CELSR2: variants seen among roughly 807,000 people sequenced by gnomAD.
CELSR2 encodes the protein EGF-like protein 2.
CELSR2 carries 81 observed loss-of-function variants against 251.6 expected under a neutral mutation model. That is an observed-to-expected ratio of 0.32 (90% CI 0.27 to 0.39). The LOEUF is 0.39. CELSR2 is among the 10% of genes least tolerant of loss of function. The pLI, the probability that CELSR2 is intolerant of heterozygous loss-of-function variation, is 1.00. For missense variants in CELSR2, 3,365 were observed against 3,947.7 expected (o/e 0.85, Z 3.96); for synonymous variants, 1,721 against 1,670.5 (o/e 1.03, Z -0.74).
At chr1:109,268,116 C>A in intron 17 of CELSR2, 56 bp downstream of exon 17, 1 of 1,546,690 alleles carries the variant, frequency 6.5e-7, no homozygotes, top group Non-Finnish European at 8.7e-7. Context: ...GGTGAGTGAG[C>A]CTGCTCATGG....
Position 109,251,422 on chromosome 1 carries a change from A to G in CELSR2, c.1343A>G (p.Tyr448Cys). 6.2e-7 allele frequency: 1 copy of G among 1,613,880 alleles called. No individual in the cohort carries two copies. The highest frequency in any genetic ancestry group is 8.5e-7 in the Non-Finnish European group (1 of 1,180,026). Reference sequence around the variant, plus strand: ...AGTGGCAATGCTCGGGGACAGTTTTATCTGGATGCCCAGACTGGAGCTCTG... The same window carrying G: ...AGTGGCAATGCTCGGGGACAGTTTTGTCTGGATGCCCAGACTGGAGCTCTG... ...IMSGNARGQF[Y>C]LDAQTGALDV... Residue 448 changes from tyrosine (Y) to cysteine (C), a missense_variant, in exon 1 of 34, where the codon TAT becomes TGT. Tyr to Cys is a radical substitution (Grantham distance 194). Around this residue, in one of 5 missense-constraint regions of CELSR2, gnomAD observed 704 missense variants for 784.1 expected, o/e 0.90. Coordinates refer to ENST00000271332, the MANE Select transcript of CELSR2 (RefSeq NM_001408.3). This position sits in a 1 kb window ranked among gnomAD's most constrained non-coding sequence, Gnocchi z 4.9.
rs751011810 is a variant in CELSR2 at position 109,253,118 on chromosome 1, C to G, written c.3039C>G (p.Leu1013=). 6.2e-7 allele frequency: 1 copy of G among 1,613,848 alleles called. No homozygotes were observed. Among genetic ancestry groups the G allele is most frequent in the East Asian group, 2.2e-5 (1 of 44,880 alleles). ...GCCGGGCTACAGTCCACGTCCGCCT[C>G]CTTGACCGCAATGACAACCCACCAG... ...LVSRATVHVR[L]LDRNDNPPVL... is the part of the protein sequence containing the mutation. The change falls in exon 1 of 34, where the codon CTC becomes CTG. Residue 1013 remains leucine (L), a synonymous_variant. Coordinates refer to ENST00000271332, the MANE Select transcript of CELSR2 (RefSeq NM_001408.3).
In CELSR2 at chr1:109,251,608, T is replaced by G; in HGVS notation, c.1529T>G (p.Phe510Cys). ...GCCCCCATCTTCGTCAGCACCCCTT[T>G]CCAGGCTACTGTCCTGGAGAGTGTC... ...DNAPIFVSTP[F>C]QATVLESVPL... The change falls in exon 1 of 34, where the codon TTC (phenylalanine) becomes TGC (cysteine). Residue 510 changes from phenylalanine to cysteine, a missense_variant. This residue lies in a region of CELSR2 where 704 missense variants were observed against 784.1 expected (regional missense o/e 0.90). Coordinates refer to ENST00000271332, the MANE Select transcript of CELSR2 (RefSeq NM_001408.3). This position sits in a 1 kb window ranked among gnomAD's most constrained non-coding sequence, Gnocchi z 4.9. 6.2e-7 allele frequency: 1 copy of G among 1,613,796 alleles called. No homozygotes were observed. The highest frequency in any genetic ancestry group is 1.3e-5 in the African/African-American group (1 of 75,032).
chr1:109,263,566 T>A, intron 8 of CELSR2, 45 bp from the exon 9 acceptor site: 1 of 1,603,360 alleles, frequency 6.2e-7, no homozygotes, highest in Admixed American at 1.7e-5. Context: ...CCCAGGGCCC[T>A]CTGAGGCTCC....
intron 9 of CELSR2, 51 bp downstream of exon 9, chr1:109,263,828 G>C: frequency 6.3e-7 from 1 of 1,582,076 alleles, no homozygotes. Context: ...GGCCCTGGTA[G>C]CCTCTAGGCG....
intron 14 of CELSR2, 77 bp from the exon 15 acceptor site, chr1:109,266,028 C>G: frequency 6.3e-7 from 1 of 1,591,694 alleles, no homozygotes; most frequent in Non-Finnish European, 8.6e-7. Flanking sequence ...CTGGGGAGGC[C>G]TAGGGAGGGC....
chr1:109,259,101 A>G lies in CELSR2; in HGVS notation c.3958+22A>G, dbSNP rs567216809. The stretch of plus-strand genomic sequence containing the variant: ...ACGGGTGAGCCAAGGGAGGGGACTC[A>G]TGGGCCAGCCCTGGAAGGCTGACTG... On this transcript the variant is annotated intron_variant, in intron 2 of 33. Coordinates refer to ENST00000271332, the MANE Select transcript of CELSR2 (RefSeq NM_001408.3). 19 of 1,543,030 alleles carry G rather than the reference A, an allele frequency of 1.2e-5. No homozygotes were observed. In the South Asian group the frequency reaches 1.6e-4, roughly 13 times the overall value.
In CELSR2 at chr1:109,250,040, CGCCGCCGTTGACCCGGCCGCCG is replaced by C; in HGVS notation, c.-35_-14del. The C allele has an allele frequency of 7.7e-7, 1 of 1,293,658 alleles. No individual in the cohort carries two copies. The highest frequency in any genetic ancestry group is 9.7e-7 in the Non-Finnish European group (1 of 1,028,298). 80.1% of individuals were successfully genotyped at this position (1,293,658 alleles called of 1,614,324 possible). A position where few individuals can be genotyped will look rare whatever the true frequency, so the allele number is the denominator to read the frequency against. On this transcript the variant is annotated 5_prime_UTR_variant, in exon 1 of 34. An upstream open reading frame in the 5' UTR loses its in-frame stop. Coordinates refer to ENST00000271332, the MANE Select transcript of CELSR2 (RefSeq NM_001408.3). This position sits in a 1 kb window ranked among gnomAD's most constrained non-coding sequence, Gnocchi z 4.4. ...CGGCAGGAGCCGGAGGAGGAGCCGC[CGCCGCCGTTGACCCGGCCGCCG>C]GCCGGGAGCTGGGAGAGATGCGGAG... is the stretch of plus-strand genomic sequence containing the variant.
intron 12 of CELSR2, 48 bp from the exon 13 acceptor site, chr1:109,265,143 G>A: frequency 6.3e-7 from 1 of 1,582,258 alleles, no homozygotes; most frequent in South Asian, 1.2e-5. Flanking sequence ...CCTAGGTTAG[G>A]TGGGAGTGGC....
At position 109,251,140 on chromosome 1, in the gene CELSR2, C is replaced by G; in HGVS notation, c.1061C>G (p.Pro354Arg). The change falls in exon 1 of 34, where the codon CCT becomes CGT. Residue 354 changes from proline to arginine, a missense_variant. By Grantham distance (103) the Pro-to-Arg change is moderately radical (BLOSUM62 -2). This residue lies in a region of CELSR2 where 704 missense variants were observed against 784.1 expected (regional missense o/e 0.90). Coordinates refer to ENST00000271332, the MANE Select transcript of CELSR2 (RefSeq NM_001408.3). This position sits in a 1 kb window ranked among gnomAD's most constrained non-coding sequence, Gnocchi z 4.9. ...TCTGGGGTGATCCGAACCCGTGGCC[C>G]TGTGGATCGGGAAGAGGTGGAATCC... ...PRSGVIRTRGPVDREEVESYQ... is the reference protein window; with the variant it reads ...PRSGVIRTRGRVDREEVESYQ... The G allele has an allele frequency of 6.2e-7, 1 of 1,613,270 alleles. No homozygotes were observed. Among genetic ancestry groups the G allele is most frequent in the Non-Finnish European group, 8.5e-7 (1 of 1,179,960 alleles).
chr1:109,253,316 G>A lies in CELSR2; in HGVS notation c.3237G>A (p.Thr1079=), dbSNP rs1452999654. The A allele has an allele frequency of 5.0e-6, 8 of 1,613,406 alleles. No homozygotes were observed. The highest frequency in any genetic ancestry group is 4.4e-5 in the South Asian group (4 of 91,080). ...GCCTGGTCCTGCTCAATGCCTCCAC[G>A]GGTGAGCTGAAGCTAAGCCGCGCAC... The part of the protein sequence containing the change: ...ELSLVLLNAS[T]GELKLSRALD... The change falls in exon 1 of 34, where the codon ACG becomes ACA. Residue 1079 remains threonine (T), a synonymous_variant. Coordinates refer to ENST00000271332, the MANE Select transcript of CELSR2 (RefSeq NM_001408.3).
rs988106759 is a variant in CELSR2 at position 109,258,722 on chromosome 1, C to A, written c.3601C>A (p.Pro1201Thr). The A allele has an allele frequency of 1.9e-6, 3 of 1,557,868 alleles. No individual in the cohort carries two copies. The African/African-American group carries it at 4.1e-5, about 21-fold the overall frequency. ...PGPGGGPPFLPSEDLQERLYL... is the reference protein window; with the variant it reads ...PGPGGGPPFLTSEDLQERLYL... ...GCCCGGGGGCGGGCCGCCCTTCCTG[C>A]CCTCTGAGGACCTGCAGGAGCGCCT... The change falls in exon 2 of 34, where the codon CCC (proline) becomes ACC (threonine). Residue 1201 changes from proline to threonine, a missense_variant. By Grantham distance (38) the Pro-to-Thr change is conservative (BLOSUM62 -1). Transcript: ENST00000271332.
Position 109,258,562 on chromosome 1 carries a change from C to T in CELSR2, c.3441C>T (p.Gly1147=). 2 of 1,604,262 alleles carry T rather than the reference C, an allele frequency of 1.2e-6. No homozygotes were observed. Among genetic ancestry groups the T allele is most frequent in the Non-Finnish European group, 1.7e-6 (2 of 1,176,012 alleles). ...AGCGCTTCCTGTCACCACTGCTAGG[C>T]CTCTTCATCCAGGCGGTGGCCGCCA... The part of the protein sequence containing the change: ...SPERFLSPLL[G]LFIQAVAATL... Residue 1147 remains glycine (G), a synonymous_variant, in exon 2 of 34, where the codon GGC becomes GGT. Transcript: ENST00000271332.
In CELSR2 at chr1:109,251,443, C is replaced by T; in HGVS notation, c.1364C>T (p.Ala455Val). 1 of 1,613,842 alleles carries T rather than the reference C, an allele frequency of 6.2e-7. No homozygotes were observed. Among genetic ancestry groups the T allele is most frequent in the Non-Finnish European group, 8.5e-7 (1 of 1,180,022 alleles). Reference sequence around the variant, plus strand: ...TTTTATCTGGATGCCCAGACTGGAGCTCTGGATGTGGTGAGCCCTCTTGAC... The same window carrying T: ...TTTTATCTGGATGCCCAGACTGGAGTTCTGGATGTGGTGAGCCCTCTTGAC... ...GQFYLDAQTG[A>V]LDVVSPLDYE... Residue 455 changes from alanine to valine, a missense_variant, in exon 1 of 34, where the codon GCT (alanine) becomes GTT (valine). This residue lies in a region of CELSR2 where 704 missense variants were observed against 784.1 expected (regional missense o/e 0.90). Transcript: ENST00000271332. The surrounding 1 kb of genome is among the most constrained non-coding windows in gnomAD (Gnocchi z 4.9).
In CELSR2 at chr1:109,261,845, A is replaced by C; in HGVS notation, c.4335A>C (p.Gly1445=). 1 of 1,595,122 alleles carries C rather than the reference A, an allele frequency of 6.3e-7. No homozygotes were observed. Among genetic ancestry groups the C allele is most frequent in the Non-Finnish European group, 8.6e-7 (1 of 1,169,280 alleles). ...CCACGGTGTCCCCATTCGTGCCCGGAGGAGTCAGTGATGGCCAGTGGCATA... is the reference window on the plus strand; with the variant it reads ...CCACGGTGTCCCCATTCGTGCCCGGCGGAGTCAGTGATGGCCAGTGGCATA... ...STTTVSPFVP[G]GVSDGQWHTV... is the part of the protein sequence containing the mutation. Residue 1445 remains glycine (G), a synonymous_variant, in exon 5 of 34, where the codon GGA becomes GGC. Transcript: ENST00000271332. The surrounding 1 kb of genome is among the most constrained non-coding windows in gnomAD (Gnocchi z 4.8).
Position 109,250,334 on chromosome 1 carries a change from C to G in CELSR2, c.255C>G (p.Pro85=), listed in dbSNP as rs752066138. The change falls in exon 1 of 34, where the codon CCC becomes CCG. Residue 85 remains proline, a synonymous_variant. Transcript: ENST00000271332. This position sits in a 1 kb window ranked among gnomAD's most constrained non-coding sequence, Gnocchi z 4.4. ...AGTELTGHLV[P]HHDGLRVWCP... is the part of the protein sequence containing the mutation. The stretch of plus-strand genomic sequence containing the variant: ...CTGAGCTGACTGGCCACCTGGTACC[C>G]CACCACGATGGCCTGAGGGTTTGGT... 5.0e-6 allele frequency: 8 copies of G among 1,613,484 alleles called. No homozygotes were observed. The highest frequency in any genetic ancestry group is 5.9e-6 in the Non-Finnish European group (7 of 1,180,020).
At position 109,251,409 on chromosome 1, in the gene CELSR2, C is replaced by A; in HGVS notation, c.1330C>A (p.Arg444=). ...CTATAGCATCATGAGTGGCAATGCT[C>A]GGGGACAGTTTTATCTGGATGCCCA... ...VHYSIMSGNA[R]GQFYLDAQTG... The change falls in exon 1 of 34, where the codon CGG becomes AGG. Residue 444 remains arginine (R), a synonymous_variant. Coordinates refer to ENST00000271332, the MANE Select transcript of CELSR2 (RefSeq NM_001408.3). This position sits in a 1 kb window ranked among gnomAD's most constrained non-coding sequence, Gnocchi z 4.9. The A allele has an allele frequency of 1.2e-6, 2 of 1,613,930 alleles. No homozygotes were observed. The highest frequency in any genetic ancestry group is 2.7e-5 in the African/African-American group (2 of 75,024).
In CELSR2 at chr1:109,261,810, G is replaced by T; in HGVS notation, c.4300G>T (p.Glu1434Ter). 1 of 1,590,584 alleles carries T rather than the reference G, an allele frequency of 6.3e-7. No individual in the cohort carries two copies. The highest frequency in any genetic ancestry group is 8.6e-7 in the Non-Finnish European group (1 of 1,167,002). Residue 1434 changes from glutamate (E) to a stop codon, truncating the protein, a stop_gained and splice_region_variant, in exon 5 of 34, where the codon GAG becomes TAG. Transcript: ENST00000271332. LOFTEE classifies it high-confidence loss of function. This position sits in a 1 kb window ranked among gnomAD's most constrained non-coding sequence, Gnocchi z 4.8. The part of the protein sequence containing the change: ...EQVQLTFSAG[E>*]STTTVSPFVP... ...AGCTCACCTGGTCCTTTCCCCAGGG[G>T]AGTCAACCACCACGGTGTCCCCATT...
rs1656434415 is a variant in CELSR2, at chr1:109,273,486, C to T, written c.8560C>T (p.Leu2854=). 1.2e-6 allele frequency: 2 copies of T among 1,612,196 alleles called. No homozygotes were observed. Among genetic ancestry groups the T allele is most frequent in the Non-Finnish European group, 8.5e-7 (1 of 1,179,446 alleles). The change falls in exon 33 of 34, where the codon CTG becomes TTG. Residue 2854 remains leucine (L), a synonymous_variant. Coordinates refer to ENST00000271332, the MANE Select transcript of CELSR2 (RefSeq NM_001408.3). The part of the protein sequence containing the change: ...LPTISEKSSL[L]RLPLEQCTGS... ...CACCATCAGCGAGAAGAGCAGCCTCCTGCGGCTCCCCCTGGAGCAATGCAC... is the reference window on the plus strand; with the variant it reads ...CACCATCAGCGAGAAGAGCAGCCTCTTGCGGCTCCCCCTGGAGCAATGCAC...
Sources: allele counts gnomAD v4.1 joint callset, GRCh38; gene constraint gnomAD v4.1.1; regional missense constraint gnomAD v4.1.1; non-coding constraint Gnocchi (gnomAD v3.1); transcripts MANE v1.5; gene names NCBI Gene and HGNC (gene_info 2026-07-23, HGNC 2026-07-21).